The following AKAP11 variants were observed in gnomAD, a reference collection of about 807,000 sequenced individuals.
The protein encoded by AKAP11 is A-kinase anchor protein 11.
In AKAP11, 36 loss-of-function variants were observed where a neutral mutation model predicts 146.1. The ratio of observed to expected loss-of-function variants is 0.25; its 90% CI spans 0.19 to 0.33. The LOEUF (loss-of-function observed/expected upper bound fraction) is 0.33, where lower values mean the gene tolerates loss of function less well. Among genes scored for constraint, AKAP11 ranks in the 10% least tolerant of loss-of-function variants. The pLI is 1.00. For missense variants in AKAP11, 2,201 were observed against 2,197.0 expected (o/e 1.00, Z -0.04); for synonymous variants, 780 against 786.5 (o/e 0.99, Z 0.14).
intron 8 of AKAP11, among the ~76,000 whole-genome samples, chr13:42,306,154 A>G (rs1960245396): frequency 6.6e-6 from 1 of 152,246 alleles, no homozygotes; most frequent in Admixed American, 6.5e-5. Flanking sequence ...TTTCGTTTTC[A>G]CTACATACCA....
intron 1 of AKAP11, among the ~76,000 whole-genome samples, chr13:42,275,726 C>G (rs1325656705): frequency 6.6e-6 from 1 of 152,174 alleles, no homozygotes; most frequent in African/African-American, 2.4e-5. Flanking sequence ...CTTGATGACT[C>G]AGTTTTCCTA....
chr13:42,307,666 A>T (rs9566956), intron 8 of AKAP11, among the ~76,000 whole-genome samples: 56,374 of 150,946 alleles, frequency 0.37, 10,902 homozygotes, highest in East Asian at 0.62. Flanking sequence ...AAGTGGGAGG[A>T]GTGGGCCAGG....
chr13:42,296,616 A>G lies in AKAP11; in HGVS notation c.217-432A>G, dbSNP rs1594324774. On this transcript the variant is annotated intron_variant, in intron 5 of 12. Transcript: ENST00000025301. ...GTCTAATACAATACCTTGGAGAGGA[A>G]AGATAGAAAAACGGATTATATTGTA... is the stretch of plus-strand genomic sequence containing the variant. Among the ~76,000 whole-genome samples the G allele has an allele frequency of 3.3e-5, 5 of 152,212 alleles. No homozygotes were observed. In the South Asian group the frequency reaches 1.0e-3, roughly 32 times the overall value.
chr13:42,303,368 A>G lies in AKAP11; in HGVS notation c.4622A>G (p.Glu1541Gly). ...GCGDNVVQAV[E>G]QYAKKVVDDT... ...GGAGACAATGTTGTTCAAGCTGTAG[A>G]ACAGTATGCCAAAAAAGTAGTGGAT... The change falls in exon 8 of 13, where the codon GAA becomes GGA. Residue 1541 changes from glutamate to glycine, a missense_variant. This residue lies in a region of AKAP11 where 1,867 missense variants were observed against 1,833.5 expected (regional missense o/e 1.02). Coordinates refer to ENST00000025301, the MANE Select transcript of AKAP11 (RefSeq NM_016248.4). 2 of 1,613,394 alleles carry G rather than the reference A, an allele frequency of 1.2e-6. No homozygotes were observed. The highest frequency in any genetic ancestry group is 1.7e-6 in the Non-Finnish European group (2 of 1,180,040).
chr13:42,305,213 T>C (rs9645985), intron 8 of AKAP11, among the ~76,000 whole-genome samples: 18,796 of 152,290 alleles, frequency 0.12, 1,310 homozygotes, highest in South Asian at 0.17. Flanking sequence ...TGGAATTTAA[T>C]TGAGTCACAT....
chr13:42,311,057 T>G (rs1211701427), intron 9 of AKAP11, among the ~76,000 whole-genome samples: 1 of 152,164 alleles, frequency 6.6e-6, no homozygotes, highest in African/African-American at 2.4e-5. Flanking sequence ...TAGTTTGTTA[T>G]TCTCTTAGGA....
At position 42,301,301 on chromosome 13, in the gene AKAP11, C is replaced by T; in HGVS notation, c.2555C>T (p.Pro852Leu). 1.9e-6 allele frequency: 3 copies of T among 1,613,604 alleles called. No individual in the cohort carries two copies. Among genetic ancestry groups the T allele is most frequent in the Non-Finnish European group, 2.5e-6 (3 of 1,179,910 alleles). ...HNPGNQNDFK[P>L]TNDDIEMQSS... ...CCAGGTAATCAGAATGATTTTAAAC[C>T]AACTAATGACGATATTGAAATGCAG... Residue 852 changes from proline (P) to leucine (L), a missense_variant, in exon 8 of 13, where the codon CCA becomes CTA. By Grantham distance (98) the Pro-to-Leu change is moderately conservative. Transcript: ENST00000025301.
At chr13:42,308,199 C>T (rs1043562794) in intron 8 of AKAP11, among the ~76,000 whole-genome samples, 1 of 152,090 alleles carries the variant, frequency 6.6e-6, no homozygotes, top group Admixed American at 6.5e-5. Context: ...GAAATAATGC[C>T]CTAGGGATAG....
intron 9 of AKAP11, 127 bp from the exon 10 acceptor site, chr13:42,312,920 G>A (rs1306862327): frequency 1.4e-6 from 1 of 719,420 alleles, no homozygotes; most frequent in East Asian, 2.8e-5. Context: ...CTCTCTGGAT[G>A]TTCCCCTTCA....
At position 42,303,274 on chromosome 13, in the gene AKAP11, T is replaced by G; in HGVS notation, c.4528T>G (p.Ser1510Ala). 1 of 1,613,434 alleles carries G rather than the reference T, an allele frequency of 6.2e-7. No individual in the cohort carries two copies. The change falls in exon 8 of 13, where the codon TCT (serine) becomes GCT (alanine). Residue 1510 changes from serine (S) to alanine (A), a missense_variant. By Grantham distance (99) the Ser-to-Ala change is moderately conservative (BLOSUM62 1). Coordinates refer to ENST00000025301, the MANE Select transcript of AKAP11 (RefSeq NM_016248.4). ...TCACGTTACACCAGAATTGCCTAAG[T>G]CTCTTCAGCCTTCCTCACAAAATCA... ...ECHVTPELPK[S>A]LQPSSQNHRF...
chr13:42,274,731 G>A (rs1296369454), intron 1 of AKAP11, among the ~76,000 whole-genome samples: 1 of 152,202 alleles, frequency 6.6e-6, no homozygotes, highest in Admixed American at 6.5e-5. Context: ...TTTGAAATTT[G>A]TAGATTAGAG....
In AKAP11 at chr13:42,319,128, A is replaced by T; in HGVS notation, c.5606A>T (p.Asp1869Val). 1 of 1,613,882 alleles carries T rather than the reference A, an allele frequency of 6.2e-7. No individual in the cohort carries two copies. The highest frequency in any genetic ancestry group is 8.5e-7 in the Non-Finnish European group (1 of 1,179,916). The change falls in exon 13 of 13, where the codon GAC (aspartate) becomes GTC (valine). Residue 1869 changes from aspartate to valine, a missense_variant. This residue lies in a region of AKAP11 where 1,867 missense variants were observed against 1,833.5 expected (regional missense o/e 1.02). Coordinates refer to ENST00000025301, the MANE Select transcript of AKAP11 (RefSeq NM_016248.4). ...CAAGAGAAAGGATGGAAAGTGGGAG[A>T]CCTCCTGCAGGCTGTGCTTCAATAC... ...QLQEKGWKVGDLLQAVLQYYE... is the reference protein window; with the variant it reads ...QLQEKGWKVGVLLQAVLQYYE...
In AKAP11 at chr13:42,299,825, A is replaced by G. The variant is rs776348560; in HGVS notation, c.1079A>G (p.Asp360Gly). 1.2e-6 allele frequency: 2 copies of G among 1,613,684 alleles called. No homozygotes were observed. Among genetic ancestry groups the G allele is most frequent in the African/African-American group, 1.3e-5 (1 of 74,904 alleles). ...SEVSEFFDSFDQFDELEQTLE... is the reference protein window; with the variant it reads ...SEVSEFFDSFGQFDELEQTLE... ...GTAAGTGAATTTTTTGATAGTTTTG[A>G]TCAGTTTGATGAACTAGAACAAACT... Residue 360 changes from aspartate (D) to glycine (G), a missense_variant, in exon 8 of 13, where the codon GAT (aspartate) becomes GGT (glycine). Transcript: ENST00000025301.
At chr13:42,296,391 C>T (rs992603639) in intron 5 of AKAP11, among the ~76,000 whole-genome samples, 1 of 152,026 alleles carries the variant, frequency 6.6e-6, no homozygotes, top group African/African-American at 2.4e-5. Flanking sequence ...AGAAGTATTC[C>T]AAGATATTTC....
In AKAP11 at chr13:42,303,267, G is replaced by A. The variant is rs1183255993; in HGVS notation, c.4521G>A (p.Leu1507=). ...ATGAGTGTCACGTTACACCAGAATT[G>A]CCTAAGTCTCTTCAGCCTTCCTCAC... ...EDNECHVTPE[L]PKSLQPSSQN... The change falls in exon 8 of 13, where the codon TTG becomes TTA. Residue 1507 remains leucine, a synonymous_variant. Transcript: ENST00000025301. 6.2e-7 allele frequency: 1 copy of A among 1,613,478 alleles called. No homozygotes were observed. The highest frequency in any genetic ancestry group is 2.2e-5 in the East Asian group (1 of 44,880).
intron 4 of AKAP11, among the ~76,000 whole-genome samples, chr13:42,294,593 G>A (rs927951356): frequency 6.6e-6 from 1 of 151,936 alleles, no homozygotes; most frequent in Admixed American, 6.6e-5. Flanking sequence ...TAGTAGAGAC[G>A]AGGTTTCACC....
rs925998779 is a variant in AKAP11 at position 42,277,840 on chromosome 13, A to T, written c.-100+5612A>T. The stretch of plus-strand genomic sequence containing the variant: ...TCACTGTTGTATCCCAATCACTGTT[A>T]CTTAGACGCTTGGTGAATGTATGTG... On this transcript the variant is annotated intron_variant, in intron 1 of 12. Transcript: ENST00000025301. Among the ~76,000 whole-genome samples, 4 of 152,228 alleles carry T rather than the reference A, an allele frequency of 2.6e-5. No homozygotes were observed. The South Asian group carries it at 8.3e-4, about 32-fold the overall frequency.
At position 42,308,446 on chromosome 13, in the gene AKAP11, C is replaced by A; in HGVS notation, c.5118-8C>A. The A allele has an allele frequency of 6.5e-7, 1 of 1,542,968 alleles. No individual in the cohort carries two copies. Among genetic ancestry groups the A allele is most frequent in the Admixed American group, 2.0e-5 (1 of 50,350 alleles). ...ATTTGATTTTTTTTCTTTTTTTCTT[C>A]TTTTTAGTTCAAAAGAAATAGAAGA... is the stretch of plus-strand genomic sequence containing the variant. On this transcript the variant is annotated splice_region_variant and splice_polypyrimidine_tract_variant and intron_variant, in intron 8 of 12. Transcript: ENST00000025301.
At chr13:42,297,478 T>C (rs1166760253) in intron 6 of AKAP11, among the ~76,000 whole-genome samples, 1 of 151,988 alleles carries the variant, frequency 6.6e-6, no homozygotes, top group Admixed American at 6.5e-5. Context: ...GAACTACTTT[T>C]ACCTTTGTAT....
Sources: gnomAD v4.1 joint callset for allele counts (sites outside exome capture counted in the v4.1 genomes callset) on GRCh38, gnomAD v4.1.1 for gene constraint, gnomAD v4.1.1 regional missense constraint, MANE v1.5 for transcripts, NCBI Gene and HGNC (gene_info 2026-07-23, HGNC 2026-07-21) for gene names.